The following CCSER1 variants were observed in gnomAD, a reference collection of about 807,000 sequenced individuals.
CCSER1 encodes the protein serine-rich coiled-coil domain-containing protein 1.
A neutral mutation model predicts 82.0 loss-of-function variants in CCSER1; 41 were observed. The observed-to-expected ratio is 0.50, with a 90% CI of 0.39 to 0.65. The LOEUF (loss-of-function observed/expected upper bound fraction) is 0.65, where lower values mean the gene tolerates loss of function less well. Ranked by LOEUF, CCSER1 falls within the 30% of genes least tolerant of loss-of-function variation. The pLI is 0.00. For synonymous variants in CCSER1, 414 were observed against 383.9 expected (o/e 1.08, Z -0.92); for missense variants, 1,119 against 1,064.2 (o/e 1.05, Z -0.72).
chr4:91,233,593 T>C (rs1025091026), intron 10 of CCSER1, among the ~76,000 whole-genome samples: 1 of 151,986 alleles, frequency 6.6e-6, no homozygotes, highest in Non-Finnish European at 1.5e-5. Context: ...CTTTCCCTTT[T>C]ACTAATTTGA....
intron 10 of CCSER1, among the ~76,000 whole-genome samples, chr4:91,506,996 A>G (rs1759530026): frequency 6.6e-6 from 1 of 152,216 alleles, no homozygotes; most frequent in Non-Finnish European, 1.5e-5. Flanking sequence ...AATAAAAATC[A>G]ATTGTATGGA....
At chr4:91,296,958 T>A (rs1431601095) in intron 10 of CCSER1, among the ~76,000 whole-genome samples, 1 of 151,748 alleles carries the variant, frequency 6.6e-6, no homozygotes, top group Non-Finnish European at 1.5e-5. Context: ...TACATCAAAA[T>A]GTTGTGAAGA....
At chr4:90,405,822 G>A (rs114144619) in intron 4 of CCSER1, among the ~76,000 whole-genome samples, 1,649 of 151,984 alleles carry the variant, frequency 0.011, 29 homozygotes, top group African/African-American at 0.037. Flanking sequence ...GAAATAATTC[G>A]CCACTACCAA....
At chr4:91,091,772 G>A (rs1036478751) in intron 10 of CCSER1, among the ~76,000 whole-genome samples, 10 of 152,130 alleles carry the variant, frequency 6.6e-5, no homozygotes, top group Non-Finnish European at 1.3e-4. Context: ...TCAGGATAAC[G>A]GTCTTGGGTC....
chr4:91,283,815 G>T (rs1009631355), intron 10 of CCSER1, among the ~76,000 whole-genome samples: 1 of 151,992 alleles, frequency 6.6e-6, no homozygotes, highest in Non-Finnish European at 1.5e-5. Flanking sequence ...ACAGGGCACA[G>T]CTTATGGAAG....
At chr4:90,995,230 C>T (rs1336043046) in intron 9 of CCSER1, among the ~76,000 whole-genome samples, 4 of 152,104 alleles carry the variant, frequency 2.6e-5, no homozygotes, top group African/African-American at 4.8e-5. Context: ...ATTCTGGATG[C>T]CTGCTTCTAA....
chr4:91,181,430 C>G (rs1300898895), intron 10 of CCSER1, among the ~76,000 whole-genome samples: 1 of 152,200 alleles, frequency 6.6e-6, no homozygotes, highest in African/African-American at 2.4e-5. Flanking sequence ...GCATTAAGGT[C>G]AGGTGTGCCT....
intron 10 of CCSER1, among the ~76,000 whole-genome samples, chr4:91,587,152 C>T (rs1764039786): frequency 6.6e-6 from 1 of 151,666 alleles, no homozygotes; most frequent in Non-Finnish European, 1.5e-5. Context: ...GAGTTGATTT[C>T]TTAGAGAATT....
chr4:90,943,853 G>T (rs935030171), intron 9 of CCSER1, among the ~76,000 whole-genome samples: 12 of 149,330 alleles, frequency 8.0e-5, no homozygotes, highest in African/African-American at 2.5e-4. Context: ...TGGGATTACA[G>T]GCATGAGCCA....
intron 9 of CCSER1, among the ~76,000 whole-genome samples, chr4:91,022,004 C>CT (rs914341028): frequency 9.3e-5 from 14 of 151,266 alleles, no homozygotes; most frequent in East Asian, 3.9e-4. Context: ...TATATTGAAA[C>CT]TTTTTTTTTA....
At chr4:91,078,778 A>G (rs1178212753) in intron 9 of CCSER1, among the ~76,000 whole-genome samples, 2 of 152,266 alleles carry the variant, frequency 1.3e-5, no homozygotes, top group Non-Finnish European at 2.9e-5. Context: ...GAACTACGTG[A>G]TGAATGCACA....
intron 1 of CCSER1, among the ~76,000 whole-genome samples, chr4:90,261,725 G>A (rs1724362649): frequency 6.6e-6 from 1 of 152,032 alleles, no homozygotes; most frequent in Non-Finnish European, 1.5e-5. Context: ...TCTTCCTCAG[G>A]AACACCAATT....
intron 10 of CCSER1, among the ~76,000 whole-genome samples, chr4:91,286,736 T>G (rs1460188217): frequency 6.6e-6 from 1 of 151,872 alleles, no homozygotes; most frequent in Admixed American, 6.6e-5. Context: ...TACAGAAGCA[T>G]GTAACTCTAA....
intron 10 of CCSER1, among the ~76,000 whole-genome samples, chr4:91,399,953 A>AT (rs1221416659): frequency 6.6e-6 from 1 of 151,984 alleles, no homozygotes; most frequent in East Asian, 1.9e-4. Context: ...CTCATGTAGA[A>AT]TAGTTCTAAA....
At chr4:90,661,190 G>A (rs1730706215) in intron 6 of CCSER1, among the ~76,000 whole-genome samples, 1 of 152,092 alleles carries the variant, frequency 6.6e-6, no homozygotes, top group African/African-American at 2.4e-5. Context: ...CTTACCTACA[G>A]AATCCCCTGT....
intron 10 of CCSER1, among the ~76,000 whole-genome samples, chr4:91,124,054 GT>G (rs1178477097): frequency 1.3e-4 from 19 of 151,662 alleles, no homozygotes; most frequent in African/African-American, 4.1e-4. Context: ...ATGATTGTAT[GT>G]TTTTTATGAC....
At chr4:90,142,261 C>A (rs191289923) in intron 1 of CCSER1, among the ~76,000 whole-genome samples, 1 of 152,250 alleles carries the variant, frequency 6.6e-6, no homozygotes, top group Non-Finnish European at 1.5e-5. Context: ...GCATTTAATC[C>A]TTTTTGTTTA....
intron 10 of CCSER1, among the ~76,000 whole-genome samples, chr4:91,142,961 A>G (rs199651710): frequency 1.4e-5 from 1 of 72,088 alleles, no homozygotes; most frequent in African/African-American, 4.0e-5. Context: ...TGGCTATTTG[A>G]ACTCTTTTTT....
chr4:90,813,482 T>C (rs1434952110), intron 7 of CCSER1, among the ~76,000 whole-genome samples: 2 of 152,168 alleles, frequency 1.3e-5, no homozygotes, highest in Non-Finnish European at 2.9e-5. Context: ...AAATCTCAAC[T>C]TGAATTGTAT....
Sources: gnomAD v4.1 joint callset for allele counts (sites outside exome capture counted in the v4.1 genomes callset) on GRCh38, gnomAD v4.1.1 for gene constraint, MANE v1.5 for transcripts, NCBI Gene and HGNC (gene_info 2026-07-23, HGNC 2026-07-21) for gene names.